DOK6: variants seen among roughly 807,000 people sequenced by gnomAD.
The protein encoded by DOK6 is downstream of tyrosine kinase 6.
In DOK6, 22 loss-of-function variants were observed where a neutral mutation model predicts 44.0. The ratio of observed to expected loss-of-function variants is 0.50; its 90% CI spans 0.36 to 0.71. The LOEUF (loss-of-function observed/expected upper bound fraction) is 0.71, where lower values mean the gene tolerates loss of function less well. Among genes scored for constraint, DOK6 ranks in the 30% least tolerant of loss-of-function variants. The probability of loss-of-function intolerance (pLI) is 0.00; values close to 1 mark genes in which losing one functional copy is unlikely to be tolerated. For missense variants in DOK6, 340 were observed against 416.4 expected (o/e 0.82, Z 1.60); for synonymous variants, 166 against 145.5 (o/e 1.14, Z -1.01).
At chr18:69,466,654 CA>C (rs909116498) in intron 1 of DOK6, among the ~76,000 whole-genome samples, 5 of 146,684 alleles carry the variant, frequency 3.4e-5, no homozygotes, top group East Asian at 2.0e-4. Context: ...TTTTCAAAAA[CA>C]AAAAAAAAGC....
intron 1 of DOK6, among the ~76,000 whole-genome samples, chr18:69,414,834 G>A (rs924634093): frequency 5.9e-5 from 9 of 151,960 alleles, no homozygotes; most frequent in Non-Finnish European, 8.8e-5. Context: ...ATGTAAGAAG[G>A]AGCATCAAAA....
chr18:69,709,894 T>A lies in DOK6; in HGVS notation c.599+11301T>A, dbSNP rs12457798. Among the ~76,000 whole-genome samples, 7 of 151,952 alleles carry A rather than the reference T, an allele frequency of 4.6e-5. No homozygotes were observed. In the South Asian group the frequency reaches 6.2e-4, roughly 13 times the overall value. On this transcript the variant is annotated intron_variant, in intron 5 of 7. Coordinates refer to ENST00000382713, the MANE Select transcript of DOK6 (RefSeq NM_152721.6). ...ATTTTTTAAAAAATTATAAACTTAC[T>A]GGCTAGGCACCACTGCTCAAGCCTA...
intron 7 of DOK6, among the ~76,000 whole-genome samples, chr18:69,766,493 C>T (rs534296132): frequency 2.0e-5 from 3 of 152,090 alleles, no homozygotes; most frequent in Non-Finnish European, 2.9e-5. Context: ...AGAAACCTTT[C>T]CAATAATATA....
intron 3 of DOK6, among the ~76,000 whole-genome samples, chr18:69,653,281 A>T (rs558611070): frequency 6.6e-6 from 1 of 150,706 alleles, no homozygotes; most frequent in Non-Finnish European, 1.5e-5. Context: ...GAAGAATTTT[A>T]GGCAGTCTTA....
chr18:69,816,297 C>T (rs75353041), intron 7 of DOK6, among the ~76,000 whole-genome samples: 4,374 of 152,226 alleles, frequency 0.029, 93 homozygotes, highest in Non-Finnish European at 0.043. Flanking sequence ...AGCAGCTGCT[C>T]CTATATTTTT....
chr18:69,543,538 C>A (rs1402525430), intron 1 of DOK6, among the ~76,000 whole-genome samples: 1 of 151,522 alleles, frequency 6.6e-6, no homozygotes, highest in Non-Finnish European at 1.5e-5. Flanking sequence ...AGAAAGCCAA[C>A]CTGTTTTCCT....
chr18:69,665,685 A>G (rs1175436991), intron 3 of DOK6, among the ~76,000 whole-genome samples: 1 of 152,150 alleles, frequency 6.6e-6, no homozygotes, highest in Non-Finnish European at 1.5e-5. Context: ...AAAGCGATTG[A>G]CTTTTTTAGA....
At chr18:69,698,774 G>T (rs534771915) in intron 5 of DOK6, among the ~76,000 whole-genome samples, 181 bp downstream of exon 5, 39 of 152,250 alleles carry the variant, frequency 2.6e-4, no homozygotes, top group African/African-American at 8.9e-4. Flanking sequence ...AATTCTGTTA[G>T]TTTTTTGGCA....
intron 1 of DOK6, among the ~76,000 whole-genome samples, chr18:69,437,761 A>G (rs1433351731): frequency 6.6e-6 from 1 of 152,206 alleles, no homozygotes; most frequent in Admixed American, 6.6e-5. Context: ...GGATTTTATC[A>G]TATCTTGGAA....
chr18:69,412,411 G>C (rs1184506947), intron 1 of DOK6, among the ~76,000 whole-genome samples: 1 of 152,032 alleles, frequency 6.6e-6, no homozygotes, highest in South Asian at 2.1e-4. Flanking sequence ...TTTTACTTTT[G>C]AGGGTTATTT....
chr18:69,754,352 A>AG (rs1491176988), intron 6 of DOK6, among the ~76,000 whole-genome samples: 1 of 14,622 alleles, frequency 6.8e-5, no homozygotes, highest in Non-Finnish European at 3.6e-4. Flanking sequence ...CCCTATCTCC[A>AG]AAAAAAAAAA....
In DOK6 at chr18:69,694,058, CAAAAAAAAAAAAAA is replaced by C. The variant is rs60662789; in HGVS notation, c.410-4327_410-4314del. Among the ~76,000 whole-genome samples the C allele has an allele frequency of 1.1e-3, 70 of 62,014 alleles. 2 individuals carry two copies. In the Middle Eastern group the frequency reaches 0.033, roughly 29 times the overall value. 40.7% of individuals were successfully genotyped at this position (62,014 alleles called of 152,430 possible). ...TGGGCGACAGAGCGAGACTCCGTGT[CAAAAAAAAAAAAAA>C]AAAAAAAAAAAAAAAAAATTGATCT... On this transcript the variant is annotated intron_variant, in intron 4 of 7. Coordinates refer to ENST00000382713, the MANE Select transcript of DOK6 (RefSeq NM_152721.6).
At chr18:69,586,451 G>A (rs544533947) in intron 2 of DOK6, among the ~76,000 whole-genome samples, 21 of 152,272 alleles carry the variant, frequency 1.4e-4, no homozygotes, top group African/African-American at 4.3e-4. Flanking sequence ...CCCTGTTAAT[G>A]TGCCCAAGCC....
At chr18:69,699,250 T>TA (rs1443193044) in intron 5 of DOK6, among the ~76,000 whole-genome samples, 1 of 152,194 alleles carries the variant, frequency 6.6e-6, no homozygotes, top group African/African-American at 2.4e-5. Context: ...AGGAGATGTT[T>TA]AATGCTTCCA....
chr18:69,822,689 A>C lies in DOK6; in HGVS notation c.857-18555A>C, dbSNP rs1297232494. On this transcript the variant is annotated intron_variant, in intron 7 of 7. Coordinates refer to ENST00000382713, the MANE Select transcript of DOK6 (RefSeq NM_152721.6). ...ATCCTCAAAAAGATAATCCAGAACA[A>C]GGCAGTCATTGCCTTTGCTCACAAA... Among the ~76,000 whole-genome samples the C allele has an allele frequency of 5.6e-4, 86 of 152,238 alleles. 1 individual carries two copies. The highest frequency in any genetic ancestry group is 5.6e-3 in the Admixed American group (86 of 15,280).
chr18:69,401,973 G>C (rs1170319441), intron 1 of DOK6, among the ~76,000 whole-genome samples: 1 of 152,154 alleles, frequency 6.6e-6, no homozygotes, highest in African/African-American at 2.4e-5. Flanking sequence ...TGAGAGATGC[G>C]CTGCCTGGCT....
intron 7 of DOK6, among the ~76,000 whole-genome samples, chr18:69,792,216 GATAGCTTTGGC>G (rs1300340027): frequency 6.6e-6 from 1 of 152,070 alleles, no homozygotes; most frequent in Non-Finnish European, 1.5e-5. Flanking sequence ...TTTTGCTCAG[GATAGCTTTGGC>G]TATTCTGTAT....
In DOK6 at chr18:69,633,033, G is replaced by A. The variant is rs1215571564; in HGVS notation, c.289+33535G>A. The stretch of plus-strand genomic sequence containing the variant: ...CATAGATTCTCCATGTCTGGTCCAT[G>A]CATGGACTTTATGGAACCCGTGTAT... On this transcript the variant is annotated intron_variant, in intron 3 of 7. Coordinates refer to ENST00000382713, the MANE Select transcript of DOK6 (RefSeq NM_152721.6). Among the ~76,000 whole-genome samples, 11 of 152,184 alleles carry A rather than the reference G, an allele frequency of 7.2e-5. 1 individual carries two copies. The highest frequency in any genetic ancestry group is 7.2e-4 in the Admixed American group (11 of 15,282).
chr18:69,413,210 A>T (rs546459783), intron 1 of DOK6, among the ~76,000 whole-genome samples: 9 of 152,236 alleles, frequency 5.9e-5, no homozygotes, highest in Middle Eastern at 3.4e-3. Context: ...ATAAAACAGC[A>T]TTATTGGAAG....
Sources: gnomAD v4.1 joint callset for allele counts (sites outside exome capture counted in the v4.1 genomes callset) on GRCh38, gnomAD v4.1.1 for gene constraint, MANE v1.5 for transcripts, NCBI Gene and HGNC (gene_info 2026-07-23, HGNC 2026-07-21) for gene names.